LRRC37A2: variants seen among roughly 807,000 people sequenced by gnomAD.
LRRC37A2 encodes the protein leucine-rich repeat-containing protein 37A2.
In LRRC37A2, 9 loss-of-function variants were observed where a neutral mutation model predicts 68.8. That is an observed-to-expected ratio of 0.13 (90% CI 0.08 to 0.23). The LOEUF is 0.23. Among genes scored for constraint, LRRC37A2 ranks in the 10% least tolerant of loss-of-function variants. The pLI is 1.00. For synonymous variants in LRRC37A2, 63 were observed against 367.6 expected, an observed-to-expected ratio of 0.17 and a Z score of 9.48; for missense variants, 168 against 950.4, an observed-to-expected ratio of 0.18 and a Z score of 10.82.
the LRRC37A2 span, among the ~76,000 whole-genome samples, chr17:46,681,557 G>A: frequency 7.0e-6 from 1 of 142,410 alleles, no homozygotes; most frequent in Non-Finnish European, 1.5e-5. Context: ...ATAACATCTC[G>A]TCTTCAAAAA....
At chr17:46,784,720 T>C in the LRRC37A2 span, among the ~76,000 whole-genome samples, 1 of 151,510 alleles carries the variant, frequency 6.6e-6, no homozygotes, top group Non-Finnish European at 1.5e-5. Context: ...CCAACATACC[T>C]ACACAGAGGG....
chr17:46,936,522 C>G, the LRRC37A2 span: 6 of 985,610 alleles, frequency 6.1e-6, no homozygotes, highest in Non-Finnish European at 7.2e-6. Context: ...CCACCTGCCT[C>G]ACACCCTGCC....
the LRRC37A2 span, chr17:46,937,261 G>A: frequency 6.6e-6 from 1 of 152,124 alleles, no homozygotes; most frequent in Non-Finnish European, 1.5e-5. Flanking sequence ...TCCCACTTGA[G>A]ACCCTCTTGT....
chr17:46,902,446 G>T, the LRRC37A2 span, among the ~76,000 whole-genome samples: 1 of 148,060 alleles, frequency 6.8e-6, no homozygotes, highest in Non-Finnish European at 1.5e-5. Context: ...TTGAAATCTC[G>T]ATAAGGGAAC....
the LRRC37A2 span, among the ~76,000 whole-genome samples, chr17:46,879,632 AGCTGT>A: frequency 6.6e-6 from 1 of 152,198 alleles, no homozygotes; most frequent in Non-Finnish European, 1.5e-5. Context: ...AGAGATGGAG[AGCTGT>A]GCTCAAAGTC....
the LRRC37A2 span, among the ~76,000 whole-genome samples, chr17:46,900,696 A>T: frequency 1.1e-4 from 17 of 152,340 alleles, 1 homozygote; most frequent in East Asian, 3.3e-3. Flanking sequence ...AGTACAGTAC[A>T]AGGTAGGGTG....
At chr17:46,916,345 G>T in the LRRC37A2 span, among the ~76,000 whole-genome samples, 1 of 152,142 alleles carries the variant, frequency 6.6e-6, no homozygotes, top group Non-Finnish European at 1.5e-5. Context: ...CCACCCATGG[G>T]CCCTGAGCCT....
chr17:46,903,335 A>G, the LRRC37A2 span, among the ~76,000 whole-genome samples: 1 of 151,794 alleles, frequency 6.6e-6, no homozygotes, highest in Non-Finnish European at 1.5e-5. Flanking sequence ...CAGTTATTAC[A>G]GGAATTGTCT....
the LRRC37A2 span, among the ~76,000 whole-genome samples, chr17:46,980,749 C>A: frequency 6.6e-6 from 1 of 151,006 alleles, no homozygotes; most frequent in African/African-American, 2.4e-5. Flanking sequence ...AGGAGAATGG[C>A]GTGAACCCGG....
chr17:46,932,018 C>A, the LRRC37A2 span: 281 of 1,591,936 alleles, frequency 1.8e-4, no homozygotes, highest in African/African-American at 3.2e-3. Flanking sequence ...CCCTCAGATT[C>A]TGCTGCCCTG....
At chr17:46,829,948 G>A in the LRRC37A2 span, among the ~76,000 whole-genome samples, 62 of 152,228 alleles carry the variant, frequency 4.1e-4, 1 homozygote, top group Admixed American at 1.3e-4. Flanking sequence ...CCCTTGGCAG[G>A]GTTAAATGGC....
the LRRC37A2 span, chr17:47,049,128 T>C: frequency 8.8e-7 from 1 of 1,140,250 alleles, no homozygotes; most frequent in East Asian, 2.3e-5. Flanking sequence ...TCTGTGTGAC[T>C]GGGGTGTACA....
At chr17:46,940,488 G>T in the LRRC37A2 span, 1 of 1,613,072 alleles carries the variant, frequency 6.2e-7, no homozygotes, top group Non-Finnish European at 8.5e-7. Context: ...GGGACCTAGC[G>T]CAGGACTTTT....
the LRRC37A2 span, among the ~76,000 whole-genome samples, chr17:46,928,746 C>G: frequency 0.54 from 82,097 of 151,976 alleles, 22,590 homozygotes; most frequent in Non-Finnish European, 0.6. Context: ...CTCCCCCAAC[C>G]CGATTCCCTT....
At chr17:46,769,047 C>G in the LRRC37A2 span, among the ~76,000 whole-genome samples, 30 of 152,138 alleles carry the variant, frequency 2.0e-4, 1 homozygote, top group Non-Finnish European at 1.5e-5. Context: ...GAGTTGTTGC[C>G]CAGGCGCGGT....
the LRRC37A2 span, among the ~76,000 whole-genome samples, chr17:46,741,975 C>T: frequency 2.0e-5 from 3 of 152,174 alleles, no homozygotes; most frequent in African/African-American, 7.2e-5. Context: ...AGGCTAGTCT[C>T]CAACTCCTGA....
chr17:46,522,580 G>A (rs879578130), intron 4 of LRRC37A2, among the ~76,000 whole-genome samples: 9,692 of 50,418 alleles, frequency 0.19, no homozygotes, highest in Non-Finnish European at 0.27. Flanking sequence ...GAGCAGCTAG[G>A]ACTACAGGCA....
the LRRC37A2 span, among the ~76,000 whole-genome samples, chr17:46,962,596 T>G: frequency 6.6e-6 from 1 of 152,182 alleles, no homozygotes; most frequent in African/African-American, 2.4e-5. Context: ...CTAGACTGTG[T>G]GGAGAAGCCA....
chr17:46,878,292 C>T, the LRRC37A2 span, among the ~76,000 whole-genome samples: 1 of 152,214 alleles, frequency 6.6e-6, no homozygotes, highest in African/African-American at 2.4e-5. Context: ...CAGGAAATTT[C>T]AGAATCAGCT....
Sources: allele counts gnomAD v4.1 joint callset (sites outside exome capture counted in the v4.1 genomes callset), GRCh38; gene constraint gnomAD v4.1.1; transcripts MANE v1.5; gene names NCBI Gene and HGNC (gene_info 2026-07-23, HGNC 2026-07-21).